The following NID2 variants were observed in gnomAD, a reference collection of about 807,000 sequenced individuals.
NID2 encodes the protein nidogen-2.
NID2 carries 83 observed loss-of-function variants against 145.4 expected under a neutral mutation model. The observed-to-expected ratio is 0.57, with a 90% CI of 0.48 to 0.69. NID2 has a LOEUF of 0.69. NID2 is among the 30% of genes least tolerant of loss of function. NID2 has a pLI of 0.00. For missense variants in NID2, 1,807 were observed against 1,765.7 expected (o/e 1.02, Z -0.42); for synonymous variants, 739 against 701.3 (o/e 1.05, Z -0.85).
At chr14:52,025,251 G>T (rs1891549105) in intron 12 of NID2, among the ~76,000 whole-genome samples, 1 of 152,214 alleles carries the variant, frequency 6.6e-6, no homozygotes, top group African/African-American at 2.4e-5. Context: ...TGTAAAGAGT[G>T]TATCTATTAT....
At chr14:52,049,516 C>T (rs1231253398) in intron 5 of NID2, among the ~76,000 whole-genome samples, 1 of 151,676 alleles carries the variant, frequency 6.6e-6, no homozygotes, top group Non-Finnish European at 1.5e-5. Context: ...CAGGAGGCTT[C>T]GTGCACAGGG....
chr14:52,005,443 G>A lies in NID2; in HGVS notation c.*43C>T, dbSNP rs369502230. ...TGCAGTCACTGTTCTTTAGGGTCCA[G>A]GTTCTGATTGTAAACTCCAAGTCTT... On this transcript the variant is annotated 3_prime_UTR_variant, in exon 22 of 22. Coordinates refer to ENST00000216286, the MANE Select transcript of NID2 (RefSeq NM_007361.4). The A allele has an allele frequency of 5.1e-6, 8 of 1,554,670 alleles. No homozygotes were observed. The highest frequency in any genetic ancestry group is 2.7e-5 in the African/African-American group (2 of 72,738).
intron 16 of NID2, among the ~76,000 whole-genome samples, chr14:52,012,876 A>G (rs1178566602): frequency 6.6e-6 from 1 of 152,170 alleles, no homozygotes; most frequent in Non-Finnish European, 1.5e-5. Flanking sequence ...GAGGTCATAC[A>G]AGTTCCTGCC....
chr14:52,005,522 C>CAGGGTGGTGGGTGAGT, intron 21 of NID2, 26 bp from the exon 22 acceptor site: 2 of 1,594,858 alleles, frequency 1.3e-6, no homozygotes, highest in Non-Finnish European at 1.7e-6. Context: ...AGGGGTGGGA[C>CAGGGTGGTGGGTGAGT]AGGGTGGTGG....
In NID2 at chr14:52,044,682, G is replaced by C. The variant is rs1016321440; in HGVS notation, c.1430-1751C>G. Among the ~76,000 whole-genome samples, 3 of 152,026 alleles carry C rather than the reference G, an allele frequency of 2.0e-5. 1 individual carries two copies. The highest frequency in any genetic ancestry group is 6.5e-5 in the Admixed American group (1 of 15,268). ...AGCTGGAGAGCAGTGGTGCCATCTC[G>C]GCTCACTGAAAGCTCGACTTCCCAG... is the stretch of plus-strand genomic sequence containing the variant. On this transcript the variant is annotated intron_variant, in intron 5 of 21. Coordinates refer to ENST00000216286, the MANE Select transcript of NID2 (RefSeq NM_007361.4).
intron 11 of NID2, 108 bp downstream of exon 11, chr14:52,028,614 A>C: frequency 8.0e-7 from 1 of 1,256,710 alleles, no homozygotes; most frequent in South Asian, 1.7e-5. Context: ...TCTTAAGAAA[A>C]CCATATAGCA....
chr14:52,055,401 A>G (rs890987077), intron 3 of NID2, among the ~76,000 whole-genome samples: 1 of 152,264 alleles, frequency 6.6e-6, no homozygotes, highest in Non-Finnish European at 1.5e-5. Context: ...ATGGTGAGTC[A>G]ATGTAAAAAA....
chr14:52,021,150 C>A (rs1300448936), intron 12 of NID2, among the ~76,000 whole-genome samples: 1 of 151,064 alleles, frequency 6.6e-6, no homozygotes, highest in Non-Finnish European at 1.5e-5. Flanking sequence ...CCGATTAAGG[C>A]TTGGCTGAAA....
chr14:52,027,670 A>C (rs1891640045), intron 11 of NID2, among the ~76,000 whole-genome samples: 1 of 147,646 alleles, frequency 6.8e-6, no homozygotes, highest in Non-Finnish European at 1.5e-5. Flanking sequence ...ACACACACGC[A>C]GTTTCTCCTG....
At chr14:52,018,629 C>T (rs969925501) in intron 14 of NID2, among the ~76,000 whole-genome samples, 2 of 152,216 alleles carry the variant, frequency 1.3e-5, no homozygotes, top group African/African-American at 2.4e-5. Context: ...ACTAACAGAG[C>T]GTTCATACTG....
chr14:52,063,173 C>G (rs1893068339), intron 2 of NID2, among the ~76,000 whole-genome samples: 1 of 152,210 alleles, frequency 6.6e-6, no homozygotes, highest in Admixed American at 6.5e-5. Flanking sequence ...GGCTTCCAAA[C>G]AGGAAAGGTC....
chr14:52,013,009 G>A (rs531845483), intron 16 of NID2, among the ~76,000 whole-genome samples: 3 of 152,236 alleles, frequency 2.0e-5, no homozygotes, highest in Middle Eastern at 3.4e-3. Flanking sequence ...TATGGGGGGC[G>A]GGCCTAAGGT....
intron 9 of NID2, among the ~76,000 whole-genome samples, chr14:52,030,614 A>AAG (rs750495150): frequency 3.0e-5 from 4 of 134,628 alleles, no homozygotes; most frequent in African/African-American, 5.4e-5. Flanking sequence ...AAGAGAAAGA[A>AAG]AAAGAAAGAA....
In NID2 at chr14:52,007,785, A is replaced by G. The variant is rs765494115; in HGVS notation, c.3880+25T>C. On this transcript the variant is annotated intron_variant, in intron 19 of 21. Coordinates refer to ENST00000216286, the MANE Select transcript of NID2 (RefSeq NM_007361.4). ...CATTCACTGTGATGAGAGGTTATCT[A>G]TTTGCATTCCATCAGTAGTATTACC... 27 of 1,600,470 alleles carry G rather than the reference A, an allele frequency of 1.7e-5. 1 individual carries two copies. The South Asian group carries it at 2.8e-4, about 16-fold the overall frequency.
At chr14:52,007,689 A>C (rs1020737861) in intron 19 of NID2, 121 bp downstream of exon 19, 38 of 929,292 alleles carry the variant, frequency 4.1e-5, no homozygotes, top group South Asian at 2.5e-4. Flanking sequence ...TAGTACTTAA[A>C]AGTTTACAGA....
intron 5 of NID2, among the ~76,000 whole-genome samples, chr14:52,047,958 A>T (rs1892560162): frequency 1.3e-5 from 2 of 152,030 alleles, no homozygotes; most frequent in Non-Finnish European, 2.9e-5. Context: ...CCCACCTTAG[A>T]CCTACCAGTT....
chr14:52,011,822 C>T, intron 16 of NID2, 139 bp from the exon 17 acceptor site: 2 of 1,006,724 alleles, frequency 2.0e-6, no homozygotes, highest in Admixed American at 2.1e-5. Context: ...AGTAGCTGGA[C>T]ATGTGGGCAC....
Position 52,005,377 on chromosome 14 carries a change from G to T in NID2, c.*109C>A. 9.4e-7 allele frequency: 1 copy of T among 1,064,214 alleles called. No homozygotes were observed. The highest frequency in any genetic ancestry group is 1.3e-6 in the Non-Finnish European group (1 of 767,132). 65.9% of individuals were successfully genotyped at this position (1,064,214 alleles called of 1,614,324 possible). On this transcript the variant is annotated 3_prime_UTR_variant, in exon 22 of 22. Coordinates refer to ENST00000216286, the MANE Select transcript of NID2 (RefSeq NM_007361.4). ...CAAAATGTTCATCTTGGATGCTCAG[G>T]AACGTCTAATGGCCAATTCCTTTTT...
intron 19 of NID2, 128 bp downstream of exon 19, chr14:52,007,682 T>G: frequency 1.2e-6 from 1 of 843,090 alleles, no homozygotes; most frequent in Non-Finnish European, 1.9e-6. Context: ...AATTTACTAG[T>G]ACTTAAAAGT....
Sources: allele counts gnomAD v4.1 joint callset (sites outside exome capture counted in the v4.1 genomes callset), GRCh38; gene constraint gnomAD v4.1.1; transcripts MANE v1.5; gene names NCBI Gene and HGNC (gene_info 2026-07-23, HGNC 2026-07-21).